NTM: variants seen among roughly 807,000 people sequenced by gnomAD.
NTM encodes the protein neurotrimin, also known as IgLON family member 2.
Under a neutral mutation model 42.1 loss-of-function variants are expected in NTM, and 13 were observed. That is an observed-to-expected ratio of 0.31 (90% confidence interval 0.20 to 0.49). NTM has a LOEUF of 0.49. NTM is among the 20% of genes least tolerant of loss of function. NTM has a pLI of 0.99. For synonymous variants in NTM, 187 were observed against 179.2 expected, an observed-to-expected ratio of 1.04 and a Z score of -0.35; for missense variants, 373 against 452.8, an observed-to-expected ratio of 0.82 and a Z score of 1.60.
chr11:131,680,483 G>A (rs2324569), intron 1 of NTM, among the ~76,000 whole-genome samples: 7 of 128,180 alleles, frequency 5.5e-5, no homozygotes, highest in Non-Finnish European at 8.5e-5. Context: ...GTGTGTGCAC[G>A]TCTGTGTAGG....
At chr11:132,198,605 G>A (rs1592168896) in intron 3 of NTM, among the ~76,000 whole-genome samples, 1 of 152,162 alleles carries the variant, frequency 6.6e-6, no homozygotes, top group Admixed American at 6.6e-5. Context: ...ACTATGGCTA[G>A]TAGATAGTAG....
chr11:131,964,457 G>A (rs756151293), intron 2 of NTM, among the ~76,000 whole-genome samples: 4 of 152,138 alleles, frequency 2.6e-5, no homozygotes, highest in Non-Finnish European at 4.4e-5. Context: ...AGTGACAAGT[G>A]AAACCCAGCA....
chr11:132,144,820 A>T (rs965353351), intron 2 of NTM, among the ~76,000 whole-genome samples: 3 of 152,138 alleles, frequency 2.0e-5, no homozygotes, highest in Non-Finnish European at 4.4e-5. Flanking sequence ...GCTGCAAAAA[A>T]CTTGTTGGAC....
Position 131,801,651 on chromosome 11 carries a change from C to A in NTM, c.83-109913C>A, listed in dbSNP as rs950062033. 3.3e-5 allele frequency among the ~76,000 whole-genome samples: 5 copies of A among 152,190 alleles called. No homozygotes were observed. The East Asian group carries it at 9.7e-4, about 29-fold the overall frequency. The stretch of plus-strand genomic sequence containing the variant: ...TTCTTGCACATTTTTGTGTTTGTAT[C>A]CCGTGTCATCCTCATGCTACAGAAG... On this transcript the variant is annotated intron_variant, in intron 1 of 8. Coordinates refer to ENST00000683400, the MANE Select transcript of NTM (RefSeq NM_001352005.2).
At chr11:131,693,426 C>T (rs1048501746) in intron 1 of NTM, among the ~76,000 whole-genome samples, 5 of 152,096 alleles carry the variant, frequency 3.3e-5, no homozygotes, top group Admixed American at 6.6e-5. Flanking sequence ...ATAAGTCTTG[C>T]AAAAAGTTTT....
At chr11:131,436,211 G>A (rs1050706026) in intron 1 of NTM, among the ~76,000 whole-genome samples, 3 of 152,160 alleles carry the variant, frequency 2.0e-5, no homozygotes, top group Non-Finnish European at 4.4e-5. Context: ...GAGGATTTTA[G>A]CATTGATGTT....
intron 1 of NTM, among the ~76,000 whole-genome samples, chr11:131,493,875 A>G (rs761297124): frequency 3.0e-4 from 46 of 152,150 alleles, no homozygotes; most frequent in Non-Finnish European, 1.6e-4. Flanking sequence ...TCCACAACTG[A>G]GCTGCACCTC....
chr11:131,848,429 C>T (rs1019672869), intron 1 of NTM, among the ~76,000 whole-genome samples: 1 of 152,176 alleles, frequency 6.6e-6, no homozygotes, highest in African/African-American at 2.4e-5. Context: ...AAGTCGCCTT[C>T]CTGATGATGT....
chr11:132,190,952 T>G lies in NTM; in HGVS notation c.401-21070T>G, dbSNP rs570020478. ...AGGGGATGATATTATTTGTTTTTTTTTGTCATTTTGCTTTGTTTTAATTAC... is the reference window on the plus strand; with the variant it reads ...AGGGGATGATATTATTTGTTTTTTTGTGTCATTTTGCTTTGTTTTAATTAC... On this transcript the variant is annotated intron_variant, in intron 3 of 8. Coordinates refer to ENST00000683400, the MANE Select transcript of NTM (RefSeq NM_001352005.2). Among the ~76,000 whole-genome samples the G allele has an allele frequency of 2.4e-3, 364 of 152,136 alleles. 3 individuals are homozygous for G. Among genetic ancestry groups the G allele is most frequent in the African/African-American group, 8.4e-3 (348 of 41,532 alleles).
At chr11:131,475,351 G>T (rs754481225) in intron 1 of NTM, among the ~76,000 whole-genome samples, 14 of 152,084 alleles carry the variant, frequency 9.2e-5, no homozygotes, top group African/African-American at 2.9e-4. Flanking sequence ...TCTTGGAGAG[G>T]TTTCTATATA....
intron 2 of NTM, among the ~76,000 whole-genome samples, chr11:132,069,031 C>A (rs993277658): frequency 6.6e-6 from 1 of 152,362 alleles, no homozygotes; most frequent in Admixed American, 6.5e-5. Context: ...TGCAGCCTAG[C>A]CAAGTTAACA....
chr11:131,776,412 C>T (rs2086982140), intron 1 of NTM, among the ~76,000 whole-genome samples: 1 of 152,202 alleles, frequency 6.6e-6, no homozygotes. Flanking sequence ...TTTCCTGCTA[C>T]TTCCCTGAGA....
chr11:131,494,707 C>T (rs1955153060), intron 1 of NTM, among the ~76,000 whole-genome samples: 1 of 152,206 alleles, frequency 6.6e-6, no homozygotes, highest in African/African-American at 2.4e-5. Flanking sequence ...AAAATATCTC[C>T]TACCAACTGA....
intron 1 of NTM, among the ~76,000 whole-genome samples, chr11:131,461,570 G>C (rs1328234809): frequency 1.3e-5 from 2 of 152,068 alleles, no homozygotes; most frequent in Admixed American, 6.6e-5. Context: ...GAGATGATGG[G>C]CAAAGGATAC....
At chr11:131,457,533 A>G (rs1951005075) in intron 1 of NTM, among the ~76,000 whole-genome samples, 1 of 152,144 alleles carries the variant, frequency 6.6e-6, no homozygotes, top group African/African-American at 2.4e-5. Flanking sequence ...TGCCGAAAGG[A>G]AGATGATTAA....
intron 1 of NTM, among the ~76,000 whole-genome samples, chr11:131,581,707 T>C (rs1416661448): frequency 6.6e-6 from 1 of 152,184 alleles, no homozygotes; most frequent in East Asian, 1.9e-4. Context: ...GACTCCGTTC[T>C]GGTTTTGGTC....
intron 3 of NTM, among the ~76,000 whole-genome samples, chr11:132,193,842 A>T (rs918546777): frequency 1.3e-5 from 2 of 152,172 alleles, no homozygotes; most frequent in Admixed American, 1.3e-4. Flanking sequence ...AAACACTTCT[A>T]TGCACACAAA....
chr11:131,390,183 A>T (rs1381392130), intron 1 of NTM, among the ~76,000 whole-genome samples: 1 of 152,212 alleles, frequency 6.6e-6, no homozygotes, highest in Admixed American at 6.5e-5. Flanking sequence ...GGGCGCTTTC[A>T]TGTCACATGG....
chr11:131,976,058 T>G (rs917675773), intron 2 of NTM, among the ~76,000 whole-genome samples: 3 of 152,110 alleles, frequency 2.0e-5, no homozygotes, highest in South Asian at 2.1e-4. Context: ...GCATTTTAAA[T>G]CTGTGATTGG....
Sources: gnomAD v4.1 joint callset for allele counts (sites outside exome capture counted in the v4.1 genomes callset) on GRCh38, gnomAD v4.1.1 for gene constraint, MANE v1.5 for transcripts, NCBI Gene and HGNC (gene_info 2026-07-23, HGNC 2026-07-21) for gene names.